WDR33: variants seen among roughly 807,000 people sequenced by gnomAD.
The protein encoded by WDR33 is pre-mRNA 3' end processing protein WDR33.
Under a neutral mutation model 164.9 loss-of-function variants are expected in WDR33, and 47 were observed. The observed-to-expected ratio is 0.29, with a 90% CI of 0.23 to 0.36. The LOEUF (loss-of-function observed/expected upper bound fraction) is 0.36. Ranked by LOEUF, WDR33 falls within the 10% of genes least tolerant of loss-of-function variation. The pLI is 1.00. For missense variants in WDR33, 1,137 were observed against 1,754.1 expected, an observed-to-expected ratio of 0.65 and a Z score of 6.28; for synonymous variants, 505 against 589.0, an observed-to-expected ratio of 0.86 and a Z score of 2.06.
In WDR33 at chr2:127,712,400, G is replaced by GAAA. The variant is rs202140924; in HGVS notation, c.3308+1180_3308+1182dup. Reference sequence around the variant, plus strand: ...ACAGAGCAAGACTCCGTCTCAAGAAGAAAAAAAAAAAAAAAGAAATGGGAT... The same window carrying GAAA: ...ACAGAGCAAGACTCCGTCTCAAGAAGAAAAAAAAAAAAAAAAAAGAAATGGGAT... On this transcript the variant is annotated intron_variant, in intron 18 of 21. Transcript: ENST00000322313. This position sits in a 1 kb window ranked among gnomAD's most constrained non-coding sequence, Gnocchi z 4.0. Among the ~76,000 whole-genome samples the GAAA allele has an allele frequency of 9.5e-6, 1 of 104,978 alleles. No homozygotes were observed. Among genetic ancestry groups the GAAA allele is most frequent in the African/African-American group, 3.5e-5 (1 of 28,792 alleles). The allele number at this position is 104,978 out of a possible 152,430, so 68.9% of individuals were successfully genotyped here. A position where few individuals can be genotyped will look rare whatever the true frequency, so the allele number is the denominator to read the frequency against.
At position 127,738,061 on chromosome 2, in the gene WDR33, A is replaced by C; in HGVS notation, c.725-11284T>G. 1.2e-6 allele frequency: 2 copies of C among 1,612,698 alleles called. No individual in the cohort carries two copies. The highest frequency in any genetic ancestry group is 1.7e-6 in the Non-Finnish European group (2 of 1,179,378). ...CAGTGATGAAAACATGTATCTATCA[A>C]AACAAGAAGGGTGCATGAACTCTTA... On this transcript the variant is annotated intron_variant, in intron 7 of 21. Coordinates refer to ENST00000322313, the MANE Select transcript of WDR33 (RefSeq NM_018383.5). This position sits in a 1 kb window ranked among gnomAD's most constrained non-coding sequence, Gnocchi z 4.4.
chr2:127,707,245 A>G (rs1267281159), intron 21 of WDR33, among the ~76,000 whole-genome samples: 2 of 150,366 alleles, frequency 1.3e-5, no homozygotes, highest in Non-Finnish European at 3.0e-5. Flanking sequence ...AAAAAAAAAA[A>G]GAAAAAAAAG....
intron 7 of WDR33, among the ~76,000 whole-genome samples, chr2:127,755,619 G>A (rs991354723): frequency 3.3e-5 from 5 of 152,156 alleles, no homozygotes; most frequent in Non-Finnish European, 7.3e-5. Context: ...CGTACCTGTG[G>A]TGGTGCCTTT....
Position 127,763,362 on chromosome 2 carries a change from G to A in WDR33, c.627-203C>T. The A allele has an allele frequency of 7.2e-7, 1 of 1,394,760 alleles. No homozygotes were observed. The highest frequency in any genetic ancestry group is 9.3e-7 in the Non-Finnish European group (1 of 1,074,424). The allele number at this position is 1,394,760 out of a possible 1,614,324, so 86.4% of individuals were successfully genotyped here. On this transcript the variant is annotated intron_variant, in intron 6 of 21. Coordinates refer to ENST00000322313, the MANE Select transcript of WDR33 (RefSeq NM_018383.5). The surrounding 1 kb of genome is among the most constrained non-coding windows in gnomAD (Gnocchi z 4.5). The stretch of plus-strand genomic sequence containing the variant: ...AGACTTCAACAGAGCAGTTGTTTGA[G>A]TTTTCAATCATCAGTATTCTGAGAA...
In WDR33 at chr2:127,701,559, T is replaced by A. The variant is rs1453891580; in HGVS notation, c.*4764A>T. On this transcript the variant is annotated 3_prime_UTR_variant, in exon 22 of 22. Transcript: ENST00000322313. ...GGACCTCCACCGCCAGCTGCAGGAG[T>A]ACCTGGCGCAGGGGAAAGCTGGCGG... 1 of 1,365,414 alleles carries A rather than the reference T, an allele frequency of 7.3e-7. No homozygotes were observed. The highest frequency in any genetic ancestry group is 9.5e-7 in the Non-Finnish European group (1 of 1,058,138). The allele number at this position is 1,365,414 out of a possible 1,614,324, so 84.6% of individuals were successfully genotyped here.
At chr2:127,801,657 T>C (rs1689250052) in intron 1 of WDR33, among the ~76,000 whole-genome samples, 3 of 152,098 alleles carry the variant, frequency 2.0e-5, no homozygotes, top group East Asian at 1.9e-4. Flanking sequence ...CGGAGGCATG[T>C]GCATCACTTG....
At chr2:127,772,022 TCTAA>T (rs1434401357) in intron 1 of WDR33, among the ~76,000 whole-genome samples, 1 of 152,092 alleles carries the variant, frequency 6.6e-6, no homozygotes, top group Non-Finnish European at 1.5e-5. Flanking sequence ...AGAGATAATA[TCTAA>T]CTGTGTTGCC....
chr2:127,752,483 G>A (rs1302968595), intron 7 of WDR33, among the ~76,000 whole-genome samples: 1 of 151,530 alleles, frequency 6.6e-6, no homozygotes, highest in African/African-American at 2.4e-5. Flanking sequence ...CCAGCTACTC[G>A]GGAGGCTGAG....
intron 7 of WDR33, among the ~76,000 whole-genome samples, chr2:127,739,779 T>C (rs1686960441): frequency 6.6e-6 from 1 of 152,224 alleles, no homozygotes; most frequent in South Asian, 2.1e-4. Context: ...ATAGACTTAG[T>C]TATCCAGCAA....
chr2:127,719,257 A>C lies in WDR33; in HGVS notation c.2760+8T>G. 7.0e-7 allele frequency: 1 copy of C among 1,420,236 alleles called. No individual in the cohort carries two copies. The highest frequency in any genetic ancestry group is 9.2e-7 in the Non-Finnish European group (1 of 1,087,088). The allele number at this position is 1,420,236 out of a possible 1,614,324, so 88.0% of individuals were successfully genotyped here. A position where few individuals can be genotyped will look rare whatever the true frequency, so the allele number is the denominator to read the frequency against. On this transcript the variant is annotated splice_region_variant and intron_variant, in intron 16 of 21. Transcript: ENST00000322313. This position sits in a 1 kb window ranked among gnomAD's most constrained non-coding sequence, Gnocchi z 6.5. ...CCAATGTGCCCGTGAGTTGGAAATG[A>C]ATAATACCTGGTTGAAGGGGGCCCG...
intron 7 of WDR33, among the ~76,000 whole-genome samples, chr2:127,742,520 C>CT: frequency 9.6e-6 from 1 of 104,298 alleles, no homozygotes; most frequent in Non-Finnish European, 1.8e-5. Flanking sequence ...GAGACCCTGT[C>CT]TCAAAAAAAA....
At chr2:127,771,670 T>C (rs740815) in intron 1 of WDR33, among the ~76,000 whole-genome samples, 97,814 of 151,790 alleles carry the variant, frequency 0.64, 33,916 homozygotes, top group African/African-American at 0.9. Context: ...CCTAGCTATT[T>C]GGGAGGCTGA....
At chr2:127,737,819 CTTT>C in intron 7 of WDR33, 1 of 1,354,946 alleles carries the variant, frequency 7.4e-7, no homozygotes, top group Non-Finnish European at 9.5e-7. Context: ...GGATACACTT[CTTT>C]TTAATTGAGA....
At chr2:127,776,055 T>C (rs1688174851) in intron 1 of WDR33, among the ~76,000 whole-genome samples, 1 of 152,210 alleles carries the variant, frequency 6.6e-6, no homozygotes, top group African/African-American at 2.4e-5. Flanking sequence ...GGGGCTGAAA[T>C]GTGTCCCCTC....
chr2:127,798,090 G>A (rs1409846376), intron 1 of WDR33, among the ~76,000 whole-genome samples: 2 of 151,992 alleles, frequency 1.3e-5, no homozygotes, highest in South Asian at 2.1e-4. Flanking sequence ...AATTTAAGCC[G>A]GGCGTGGTGG....
intron 8 of WDR33, among the ~76,000 whole-genome samples, chr2:127,725,971 C>T (rs1039061670): frequency 2.0e-5 from 3 of 151,998 alleles, no homozygotes; most frequent in Non-Finnish European, 2.9e-5. Context: ...ATGCAACAAC[C>T]CCTGGCCTGC....
rs1171907883 is a variant in WDR33 at position 127,701,805 on chromosome 2, C to T, written c.*4518G>A. 4 of 1,456,228 alleles carry T rather than the reference C, an allele frequency of 2.7e-6. No homozygotes were observed. The highest frequency in any genetic ancestry group is 2.5e-5 in the Admixed American group (1 of 40,770). 90.2% of individuals were successfully genotyped at this position (1,456,228 alleles called of 1,614,324 possible). On this transcript the variant is annotated 3_prime_UTR_variant, in exon 22 of 22. Coordinates refer to ENST00000322313, the MANE Select transcript of WDR33 (RefSeq NM_018383.5). ...GCTGCTGGCTGCACTGTGTTTCGGCCTAGCCGCGCTCTACGCACCGGTGTT... is the reference window on the plus strand; with the variant it reads ...GCTGCTGGCTGCACTGTGTTTCGGCTTAGCCGCGCTCTACGCACCGGTGTT...
chr2:127,771,909 A>C (rs1427732991), intron 1 of WDR33, among the ~76,000 whole-genome samples: 1 of 152,174 alleles, frequency 6.6e-6, no homozygotes, highest in Non-Finnish European at 1.5e-5. Context: ...AGCTTGAGGC[A>C]GGGTGTGTAT....
rs1258127914 is a variant in WDR33 at position 127,716,467 on chromosome 2, G to A, written c.2869+688C>T. Among the ~76,000 whole-genome samples, 8 of 152,156 alleles carry A rather than the reference G, an allele frequency of 5.3e-5. No homozygotes were observed. The highest frequency in any genetic ancestry group is 2.9e-5 in the Non-Finnish European group (2 of 67,990). On this transcript the variant is annotated intron_variant, in intron 17 of 21. Transcript: ENST00000322313. The surrounding 1 kb of genome is among the most constrained non-coding windows in gnomAD (Gnocchi z 4.5). ...CCTCTCACTCCCCTCCATCCACTCCGAGTCACCCCCTGCAACTCTCCCCAA... is the reference window on the plus strand; with the variant it reads ...CCTCTCACTCCCCTCCATCCACTCCAAGTCACCCCCTGCAACTCTCCCCAA...
Sources: gnomAD v4.1 joint callset for allele counts (sites outside exome capture counted in the v4.1 genomes callset) on GRCh38, gnomAD v4.1.1 for gene constraint, Gnocchi (gnomAD v3.1) non-coding constraint, MANE v1.5 for transcripts, NCBI Gene and HGNC (gene_info 2026-07-23, HGNC 2026-07-21) for gene names.